Variants in LNX1 observed in about 807,000 individuals in gnomAD.
The protein encoded by LNX1 is E3 ubiquitin-protein ligase LNX.
LNX1 carries 54 observed loss-of-function variants against 68.4 expected under a neutral mutation model. That is an observed-to-expected ratio of 0.79 (90% CI 0.63 to 0.99). LNX1 has a LOEUF of 0.99. LNX1 is among the 50% of genes least tolerant of loss of function. The pLI, the probability that LNX1 is intolerant of heterozygous loss-of-function variation, is 0.00. For missense variants in LNX1, 906 were observed against 926.4 expected (o/e 0.98, Z 0.29); for synonymous variants, 336 against 350.0 (o/e 0.96, Z 0.45).
intron 2 of LNX1, among the ~76,000 whole-genome samples, chr4:53,548,402 TGTA>T (rs1271494762): frequency 6.6e-6 from 1 of 152,248 alleles, no homozygotes; most frequent in Non-Finnish European, 1.5e-5. Flanking sequence ...GATGTATTAA[TGTA>T]GTAGTATATG....
intron 2 of LNX1, chr4:53,558,326 G>A: frequency 9.5e-7 from 1 of 1,053,194 alleles, no homozygotes; most frequent in Non-Finnish European, 1.2e-6. Context: ...GAGCAGACAG[G>A]CTGGGAGTTA....
chr4:53,571,601 C>A (rs1038311204), intron 2 of LNX1, among the ~76,000 whole-genome samples: 17 of 149,826 alleles, frequency 1.1e-4, no homozygotes, highest in African/African-American at 3.7e-4. Flanking sequence ...CTGCTGACAC[C>A]TCAATGTTAG....
At chr4:53,600,465 G>C (rs887132173) in intron 2 of LNX1, among the ~76,000 whole-genome samples, 3 of 152,074 alleles carry the variant, frequency 2.0e-5, no homozygotes. Flanking sequence ...GAAAGGGCAG[G>C]CCCTCAAAAA....
chr4:53,498,696 C>T lies in LNX1; in HGVS notation c.923G>A (p.Arg308His), dbSNP rs542109970. Residue 308 changes from arginine to histidine, a missense_variant, in exon 5 of 11, where the codon CGT becomes CAT. Coordinates refer to ENST00000263925, the MANE Select transcript of LNX1 (RefSeq NM_001126328.3). Reference sequence around the variant, plus strand: ...GCCGTCTCTGGCGATCACCCCATCACGATAAATGTGTTGGATAATGATATG... The same window carrying T: ...GCCGTCTCTGGCGATCACCCCATCATGATAAATGTGTTGGATAATGATATG... ...LVHIIIQHIY[R>H]DGVIARDGRL... 128 of 1,614,126 alleles carry T rather than the reference C, an allele frequency of 7.9e-5. No homozygotes were observed. In the Middle Eastern group the frequency reaches 1.5e-3, roughly 19 times the overall value.
chr4:53,552,850 T>TA (rs1729614287), intron 2 of LNX1, among the ~76,000 whole-genome samples: 1 of 149,658 alleles, frequency 6.7e-6, no homozygotes, highest in Non-Finnish European at 1.5e-5. Context: ...AAAAAAGACT[T>TA]AAATATTTAA....
intron 2 of LNX1, among the ~76,000 whole-genome samples, chr4:53,541,972 T>C (rs1331749228): frequency 6.6e-6 from 1 of 152,220 alleles, no homozygotes; most frequent in African/African-American, 2.4e-5. Flanking sequence ...CTGCTCCAGA[T>C]GACACATGGC....
intron 1 of LNX1, among the ~76,000 whole-genome samples, chr4:53,583,089 CA>C (rs923333900): frequency 2.0e-5 from 3 of 152,150 alleles, no homozygotes; most frequent in African/African-American, 7.2e-5. Context: ...TGTACAATTA[CA>C]TTTTAAATTT....
At chr4:53,631,721 A>G (rs925728584) in intron 1 of LNX1, among the ~76,000 whole-genome samples, 1 of 152,048 alleles carries the variant, frequency 6.6e-6, no homozygotes, top group African/African-American at 2.4e-5. Context: ...GCCCTAGGTG[A>G]TTCTAATATG....
chr4:53,634,436 G>C (rs2109876231), intron 1 of LNX1, among the ~76,000 whole-genome samples: 1 of 152,120 alleles, frequency 6.6e-6, no homozygotes, highest in Non-Finnish European at 1.5e-5. Context: ...TAGAGACGGG[G>C]TTTCACCATG....
chr4:53,482,468 A>G (rs748055796), intron 6 of LNX1, among the ~76,000 whole-genome samples: 1 of 152,220 alleles, frequency 6.6e-6, no homozygotes, highest in African/African-American at 2.4e-5. Context: ...GTGCCCATCA[A>G]CTGATAGGTA....
intron 2 of LNX1, among the ~76,000 whole-genome samples, chr4:53,563,200 T>C (rs988949035): frequency 6.6e-6 from 1 of 152,054 alleles, no homozygotes; most frequent in South Asian, 2.1e-4. Flanking sequence ...CAACTCAAAA[T>C]AAATAAATAA....
intron 2 of LNX1, chr4:53,557,797 C>G: frequency 3.2e-6 from 5 of 1,556,406 alleles, no homozygotes; most frequent in Non-Finnish European, 4.4e-6. Flanking sequence ...GATATATCAG[C>G]TAGGGAATGG....
intron 9 of LNX1, among the ~76,000 whole-genome samples, chr4:53,471,552 G>A (rs563542894): frequency 6.6e-6 from 1 of 152,064 alleles, no homozygotes. Flanking sequence ...GAGTGAACAG[G>A]CAACCTACAG....
At chr4:53,534,393 C>T (rs1204074516) in intron 2 of LNX1, among the ~76,000 whole-genome samples, 1 of 120,188 alleles carries the variant, frequency 8.3e-6, no homozygotes, top group African/African-American at 3.0e-5. Flanking sequence ...AATCCCAACA[C>T]TTTGGAAGGC....
intron 2 of LNX1, among the ~76,000 whole-genome samples, chr4:53,609,878 C>T (rs1024067484): frequency 2.2e-4 from 32 of 148,656 alleles, no homozygotes; most frequent in African/African-American, 7.9e-4. Context: ...TTATATATAA[C>T]TATATAGCAT....
intron 1 of LNX1, among the ~76,000 whole-genome samples, chr4:53,630,452 T>G (rs1734227613): frequency 6.6e-6 from 1 of 152,176 alleles, no homozygotes; most frequent in Admixed American, 6.5e-5. Context: ...ATACTGGATG[T>G]AAGTGTCCTT....
chr4:53,470,697 A>C (rs1183407338), intron 9 of LNX1, among the ~76,000 whole-genome samples: 1 of 152,186 alleles, frequency 6.6e-6, no homozygotes, highest in Non-Finnish European at 1.5e-5. Context: ...CACCAATAAC[A>C]GACAAACAGA....
intron 6 of LNX1, among the ~76,000 whole-genome samples, chr4:53,493,626 A>T (rs2109459888): frequency 6.6e-6 from 1 of 152,366 alleles, no homozygotes; most frequent in East Asian, 1.9e-4. Context: ...AGGTGCAGGC[A>T]AATTTATTTG....
At chr4:53,554,669 T>C (rs1729766401) in intron 2 of LNX1, among the ~76,000 whole-genome samples, 1 of 152,146 alleles carries the variant, frequency 6.6e-6, no homozygotes, top group South Asian at 2.1e-4. Context: ...CTGGCCAATA[T>C]GGTGAAACCC....
Sources: gnomAD v4.1 joint callset for allele counts (sites outside exome capture counted in the v4.1 genomes callset) on GRCh38, gnomAD v4.1.1 for gene constraint, MANE v1.5 for transcripts, NCBI Gene and HGNC (gene_info 2026-07-23, HGNC 2026-07-21) for gene names.